ANGPT1: variants seen among roughly 807,000 people sequenced by gnomAD.
ANGPT1 encodes the protein angiopoietin-1.
In ANGPT1, 17 loss-of-function variants were observed where a neutral mutation model predicts 62.2. That is an observed-to-expected ratio of 0.27 (90% CI 0.19 to 0.41). ANGPT1 has a LOEUF of 0.41. Among genes scored for constraint, ANGPT1 ranks in the 10% least tolerant of loss-of-function variants. ANGPT1 has a pLI of 1.00. For synonymous variants in ANGPT1, 199 were observed against 198.9 expected, an observed-to-expected ratio of 1.00 and a Z score of 0.00; for missense variants, 478 against 594.9, an observed-to-expected ratio of 0.80 and a Z score of 2.04.
chr8:107,410,269 G>A (rs1021908946), intron 1 of ANGPT1, among the ~76,000 whole-genome samples: 3 of 152,086 alleles, frequency 2.0e-5, no homozygotes, highest in South Asian at 2.1e-4. Flanking sequence ...ACCTTTTAAC[G>A]CTCTAACCCC....
rs1415949782 is a variant in ANGPT1, at chr8:107,251,048, T to C, written c.*807A>G. On this transcript the variant is annotated 3_prime_UTR_variant, in exon 9 of 9. Coordinates refer to ENST00000517746, the MANE Select transcript of ANGPT1 (RefSeq NM_001146.5). ...TTTACTCAGGCTATAAATATATTTA[T>C]ATATCATTCAATCAGTTTTTAGAGT... 5 of 152,164 alleles carry C rather than the reference T, an allele frequency of 3.3e-5. No homozygotes were observed. The highest frequency in any genetic ancestry group is 4.8e-5 in the African/African-American group (2 of 41,466). The allele number at this position is 152,164 out of a possible 1,614,324, so 9.4% of individuals were successfully genotyped here. A position where few individuals can be genotyped will look rare whatever the true frequency, so the allele number is the denominator to read the frequency against.
chr8:107,300,765 AT>A (rs1814567853), intron 5 of ANGPT1, among the ~76,000 whole-genome samples: 1 of 151,942 alleles, frequency 6.6e-6, no homozygotes, highest in Non-Finnish European at 1.5e-5. Context: ...TGAATATAAT[AT>A]TCTAAGTTTT....
chr8:107,480,250 T>C (rs1381894395), intron 1 of ANGPT1, among the ~76,000 whole-genome samples: 1 of 152,170 alleles, frequency 6.6e-6, no homozygotes, highest in East Asian at 1.9e-4. Flanking sequence ...TTTAAAAATG[T>C]TTGCCCAAAA....
At chr8:107,385,716 A>T (rs1816719321) in intron 1 of ANGPT1, among the ~76,000 whole-genome samples, 1 of 151,962 alleles carries the variant, frequency 6.6e-6, no homozygotes, top group South Asian at 2.1e-4. Context: ...TTCAGTTCTC[A>T]TGGGGAATGC....
intron 1 of ANGPT1, among the ~76,000 whole-genome samples, chr8:107,405,150 T>A (rs957198599): frequency 2.0e-5 from 3 of 151,930 alleles, no homozygotes; most frequent in South Asian, 2.1e-4. Context: ...CACATTTAAA[T>A]AATTGATATT....
chr8:107,307,424 A>G (rs968621387), intron 4 of ANGPT1, among the ~76,000 whole-genome samples: 1 of 152,106 alleles, frequency 6.6e-6, no homozygotes, highest in Non-Finnish European at 1.5e-5. Context: ...AGTGTATTGC[A>G]AATCTTTCTA....
chr8:107,423,359 C>T (rs1810943642), intron 1 of ANGPT1, among the ~76,000 whole-genome samples: 2 of 152,170 alleles, frequency 1.3e-5, no homozygotes, highest in Non-Finnish European at 2.9e-5. Context: ...GCTGTACCTT[C>T]TCTGCAGATT....
chr8:107,377,624 T>C (rs1473633834), intron 1 of ANGPT1, among the ~76,000 whole-genome samples: 2 of 152,200 alleles, frequency 1.3e-5, no homozygotes, highest in Non-Finnish European at 2.9e-5. Context: ...CTACACTTGA[T>C]GTAGAGTTAA....
chr8:107,418,375 T>G (rs1444727818), intron 1 of ANGPT1, among the ~76,000 whole-genome samples: 1 of 152,138 alleles, frequency 6.6e-6, no homozygotes, highest in East Asian at 1.9e-4. Context: ...TTGAAAAAAG[T>G]TGAGAAAAAA....
intron 7 of ANGPT1, among the ~76,000 whole-genome samples, chr8:107,266,736 G>T (rs1423019945): frequency 2.0e-5 from 3 of 152,140 alleles, no homozygotes; most frequent in African/African-American, 7.2e-5. Context: ...TTTCCAGGAT[G>T]TAATGATTTT....
chr8:107,324,072 C>A (rs2130072117), intron 3 of ANGPT1, among the ~76,000 whole-genome samples: 1 of 151,684 alleles, frequency 6.6e-6, no homozygotes, highest in Non-Finnish European at 1.5e-5. Context: ...AGCCACTGTG[C>A]CCGGCCAGTG....
At chr8:107,336,434 G>A (rs1815562981) in intron 2 of ANGPT1, 163 bp from the exon 3 acceptor site, 1 of 1,104,194 alleles carries the variant, frequency 9.1e-7, no homozygotes, top group East Asian at 4.7e-5. Context: ...GGGAGGCCAA[G>A]GCGGGTGGAT....
chr8:107,446,680 T>C (rs1044040314), intron 1 of ANGPT1, among the ~76,000 whole-genome samples: 11 of 152,206 alleles, frequency 7.2e-5, no homozygotes, highest in African/African-American at 2.2e-4. Flanking sequence ...TTTGAAAACG[T>C]AAATGTTGGC....
At chr8:107,461,821 G>A (rs376702218) in intron 1 of ANGPT1, among the ~76,000 whole-genome samples, 9 of 152,008 alleles carry the variant, frequency 5.9e-5, no homozygotes, top group South Asian at 2.1e-4. Context: ...GGTATGGGGC[G>A]ATCTCTCTAC....
chr8:107,274,062 T>G (rs761146044), intron 7 of ANGPT1, among the ~76,000 whole-genome samples: 1 of 152,116 alleles, frequency 6.6e-6, no homozygotes, highest in African/African-American at 2.4e-5. Flanking sequence ...CCTAAACTAT[T>G]AGCCCCACAA....
intron 1 of ANGPT1, among the ~76,000 whole-genome samples, chr8:107,484,665 G>A (rs561003853): frequency 3.9e-5 from 6 of 152,246 alleles, no homozygotes; most frequent in African/African-American, 1.2e-4. Flanking sequence ...CTTGGCCTCC[G>A]AAAGTGATGG....
chr8:107,467,831 C>G (rs774364749), intron 1 of ANGPT1, among the ~76,000 whole-genome samples: 1 of 152,052 alleles, frequency 6.6e-6, no homozygotes, highest in African/African-American at 2.4e-5. Flanking sequence ...TAATAGCAAG[C>G]CATTGATAAA....
intron 1 of ANGPT1, among the ~76,000 whole-genome samples, chr8:107,412,610 G>T (rs1056945291): frequency 1.3e-5 from 2 of 152,220 alleles, no homozygotes; most frequent in Admixed American, 6.5e-5. Context: ...ATTTAAATCC[G>T]CATTGAGTAT....
chr8:107,266,401 G>C (rs1813615202), intron 7 of ANGPT1, among the ~76,000 whole-genome samples: 1 of 152,186 alleles, frequency 6.6e-6, no homozygotes, highest in Non-Finnish European at 1.5e-5. Context: ...GTAGGAATAT[G>C]GTGGGGACCC....
Sources: allele counts gnomAD v4.1 joint callset (sites outside exome capture counted in the v4.1 genomes callset), GRCh38; gene constraint gnomAD v4.1.1; transcripts MANE v1.5; gene names NCBI Gene and HGNC (gene_info 2026-07-23, HGNC 2026-07-21).